The following PRKCA variants were observed in gnomAD, a reference collection of about 807,000 sequenced individuals.
PRKCA encodes the protein protein kinase C alpha.
A neutral mutation model predicts 87.0 loss-of-function variants in PRKCA; 27 were observed. The ratio of observed to expected loss-of-function variants is 0.31; its 90% confidence interval spans 0.23 to 0.43. PRKCA has a LOEUF of 0.43. Ranked by LOEUF, PRKCA falls within the 20% of genes least tolerant of loss-of-function variation. PRKCA has a pLI of 1.00. For missense variants in PRKCA, 518 were observed against 852.3 expected (o/e 0.61, Z 4.88); for synonymous variants, 329 against 311.1 (o/e 1.06, Z -0.61).
intron 2 of PRKCA, among the ~76,000 whole-genome samples, chr17:66,353,650 A>G (rs893695860): frequency 4.8e-4 from 73 of 152,204 alleles, no homozygotes; most frequent in African/African-American, 1.8e-3. Flanking sequence ...CGGGAGGCGG[A>G]GGTTGCAGTG....
intron 2 of PRKCA, among the ~76,000 whole-genome samples, chr17:66,385,992 T>A (rs1910039793): frequency 6.6e-6 from 1 of 151,448 alleles, no homozygotes; most frequent in Non-Finnish European, 1.5e-5. Context: ...ACTCCTGACC[T>A]CAGGCGATCC....
chr17:66,797,319 C>T (rs1975693312), intron 16 of PRKCA, among the ~76,000 whole-genome samples: 1 of 152,242 alleles, frequency 6.6e-6, no homozygotes, highest in South Asian at 2.1e-4. Context: ...TTTGTAACAT[C>T]TTTACCAATG....
intron 3 of PRKCA, among the ~76,000 whole-genome samples, chr17:66,523,187 A>G (rs1046604548): frequency 1.4e-4 from 22 of 152,204 alleles, no homozygotes; most frequent in African/African-American, 5.1e-4. Context: ...TGAGTCAATC[A>G]GTGTAGGATT....
intron 2 of PRKCA, among the ~76,000 whole-genome samples, chr17:66,309,468 A>G (rs1428050782): frequency 1.3e-5 from 2 of 152,186 alleles, no homozygotes; most frequent in African/African-American, 4.8e-5. Flanking sequence ...ATATTGCAAT[A>G]TAGGTATACA....
intron 2 of PRKCA, among the ~76,000 whole-genome samples, chr17:66,467,029 TG>T (rs1223635964): frequency 6.6e-6 from 1 of 152,226 alleles, no homozygotes; most frequent in African/African-American, 2.4e-5. Flanking sequence ...TATGAAAAGA[TG>T]TTTGCTGATG....
chr17:66,462,951 C>T (rs1914922503), intron 2 of PRKCA, among the ~76,000 whole-genome samples: 1 of 104,546 alleles, frequency 9.6e-6, no homozygotes. Flanking sequence ...CACACACACA[C>T]ACACACACAC....
At chr17:66,676,152 G>A (rs1009033124) in intron 5 of PRKCA, among the ~76,000 whole-genome samples, 1 of 152,086 alleles carries the variant, frequency 6.6e-6, no homozygotes, top group Non-Finnish European at 1.5e-5. Context: ...GTTCTCCCTC[G>A]CAGCATCGTC....
intron 2 of PRKCA, among the ~76,000 whole-genome samples, chr17:66,331,150 CA>C (rs1455286362): frequency 2.0e-5 from 3 of 152,102 alleles, no homozygotes; most frequent in African/African-American, 7.2e-5. Context: ...CTCATGTTAT[CA>C]GGGGAAGGGA....
chr17:66,791,464 G>A (rs980052720), intron 16 of PRKCA, among the ~76,000 whole-genome samples: 3 of 152,208 alleles, frequency 2.0e-5, no homozygotes, highest in East Asian at 1.9e-4. Context: ...ATAGAAGCAC[G>A]TGGCTGCAGG....
At chr17:66,783,624 A>G in intron 14 of PRKCA, among the ~76,000 whole-genome samples, 1 of 152,162 alleles carries the variant, frequency 6.6e-6, no homozygotes, top group Non-Finnish European at 1.5e-5. Context: ...ATGTTCCCCA[A>G]ACGATTCCTG....
In PRKCA at chr17:66,804,724, G is replaced by T. The variant is rs1975989268; in HGVS notation, c.*687G>T. The T allele has an allele frequency of 6.5e-6, 1 of 152,826 alleles. No individual in the cohort carries two copies. The highest frequency in any genetic ancestry group is 6.5e-5 in the Admixed American group (1 of 15,288). The allele number at this position is 152,826 out of a possible 1,614,324, so 9.5% of individuals were successfully genotyped here. A position where few individuals can be genotyped will look rare whatever the true frequency, so the allele number is the denominator to read the frequency against. On this transcript the variant is annotated 3_prime_UTR_variant, in exon 17 of 17. Coordinates refer to ENST00000413366, the MANE Select transcript of PRKCA (RefSeq NM_002737.3). ...ACCCTCCTTGGTTGATAACTGTCTT[G>T]ATACTTTTCATTCTTTGTAAGAGGC... is the stretch of plus-strand genomic sequence containing the variant.
At chr17:66,691,000 T>A (rs1001793903) in intron 8 of PRKCA, among the ~76,000 whole-genome samples, 5 of 151,630 alleles carry the variant, frequency 3.3e-5, no homozygotes, top group African/African-American at 9.7e-5. Context: ...CAGGGTGTGG[T>A]GGCATGCACC....
At position 66,571,424 on chromosome 17, in the gene PRKCA, C is replaced by A. The variant is rs150090749; in HGVS notation, c.289-69931C>A. On this transcript the variant is annotated intron_variant, in intron 3 of 16. Coordinates refer to ENST00000413366, the MANE Select transcript of PRKCA (RefSeq NM_002737.3). ...TTGCCTTTTAACAAATTACAACATG[C>A]CACATTAGGAATAAGTTTGACACAC... Among the ~76,000 whole-genome samples, 234 of 152,156 alleles carry A rather than the reference C, an allele frequency of 1.5e-3. 8 individuals are homozygous for A. In the East Asian group the frequency reaches 0.04, roughly 26 times the overall value.
chr17:66,340,129 T>C (rs991789559), intron 2 of PRKCA: 1 of 152,192 alleles, frequency 6.6e-6, no homozygotes, highest in Non-Finnish European at 1.5e-5. Flanking sequence ...ATTTATGTAT[T>C]GTATTAAACT....
intron 5 of PRKCA, 28 bp downstream of exon 5, chr17:66,645,539 T>C: frequency 6.2e-7 from 1 of 1,613,536 alleles, no homozygotes; most frequent in Non-Finnish European, 8.5e-7. Context: ...CGGAGCAGCA[T>C]CGTGGGCAGG....
chr17:66,691,328 A>G (rs1010544), intron 8 of PRKCA, among the ~76,000 whole-genome samples: 49,669 of 152,046 alleles, frequency 0.33, 9,571 homozygotes, highest in African/African-American at 0.54. Context: ...AAAAAGGTGC[A>G]TGTATCTGTG....
At chr17:66,451,979 C>T (rs537486103) in intron 2 of PRKCA, among the ~76,000 whole-genome samples, 3 of 152,274 alleles carry the variant, frequency 2.0e-5, no homozygotes, top group East Asian at 1.9e-4. Flanking sequence ...AGCAGGACAC[C>T]GCCGGGAGGT....
chr17:66,412,149 G>T (rs1198043789), intron 2 of PRKCA, among the ~76,000 whole-genome samples: 2 of 151,956 alleles, frequency 1.3e-5, no homozygotes, highest in African/African-American at 4.8e-5. Flanking sequence ...ACTGCTCACT[G>T]CAGCCTTGAC....
At chr17:66,529,791 C>T (rs1339160697) in intron 3 of PRKCA, among the ~76,000 whole-genome samples, 3 of 152,162 alleles carry the variant, frequency 2.0e-5, no homozygotes, top group Admixed American at 6.5e-5. Context: ...AGTACTGTGG[C>T]TCATGTCTTA....
Sources: allele counts gnomAD v4.1 joint callset (sites outside exome capture counted in the v4.1 genomes callset), GRCh38; gene constraint gnomAD v4.1.1; transcripts MANE v1.5; gene names NCBI Gene and HGNC (gene_info 2026-07-23, HGNC 2026-07-21).